CDC42: variants seen among roughly 807,000 people sequenced by gnomAD.
CDC42 encodes the protein cell division control protein 42 homolog.
In CDC42, 1 loss-of-function variant was observed where a neutral mutation model predicts 20.8. That is an observed-to-expected ratio of 0.05 (90% CI 0.02 to 0.23). CDC42 has a LOEUF of 0.23. Among genes scored for constraint, CDC42 ranks in the 10% least tolerant of loss-of-function variants. CDC42 has a pLI of 1.00. For missense variants in CDC42, 49 were observed against 227.9 expected (o/e 0.21, Z 5.05); for synonymous variants, 72 against 84.8 (o/e 0.85, Z 0.83).
intron 1 of CDC42, among the ~76,000 whole-genome samples, chr1:22,072,140 C>T (rs1405338558): frequency 1.5e-5 from 2 of 133,882 alleles, no homozygotes; most frequent in African/African-American, 5.7e-5. Context: ...CTCTGTTGCC[C>T]AGGCTGGAGT....
chr1:22,080,213 C>G (rs1438218722), intron 2 of CDC42, among the ~76,000 whole-genome samples: 1 of 152,188 alleles, frequency 6.6e-6, no homozygotes, highest in Non-Finnish European at 1.5e-5. Context: ...AGCGTAATTA[C>G]ACTAGCATAA....
chr1:22,081,677 ACTCT>A (rs1557903696), intron 2 of CDC42, 41 bp from the exon 3 acceptor site: 1 of 1,214,996 alleles, frequency 8.2e-7, no homozygotes, highest in Non-Finnish European at 1.2e-6. Flanking sequence ...TCCCATTTTA[ACTCT>A]CTCCTTGCAC....
intron 1 of CDC42, among the ~76,000 whole-genome samples, chr1:22,054,861 T>G (rs912208721): frequency 2.1e-5 from 3 of 142,412 alleles, no homozygotes; most frequent in Admixed American, 7.2e-5. Context: ...GTATCTTTCC[T>G]TTTAGAAAGT....
intron 3 of CDC42, among the ~76,000 whole-genome samples, chr1:22,086,097 C>T (rs1371829530): frequency 2.0e-5 from 3 of 152,166 alleles, no homozygotes; most frequent in Non-Finnish European, 2.9e-5. Flanking sequence ...CCGCCTGTCT[C>T]GGCCTCCCAA....
In CDC42 at chr1:22,093,623, C is replaced by T. The variant is rs1178951130; in HGVS notation, c.*2106C>T. On this transcript the variant is annotated 3_prime_UTR_variant, in exon 6 of 6. Transcript: ENST00000656825. Reference sequence around the variant, plus strand: ...ATGGAGTCATGTTTGGCATGATTTGCATACTGTGCTAGAATTAAGCTGGGT... The same window carrying T: ...ATGGAGTCATGTTTGGCATGATTTGTATACTGTGCTAGAATTAAGCTGGGT... 1.3e-5 allele frequency among the ~76,000 whole-genome samples: 2 copies of T among 152,192 alleles called. No homozygotes were observed. The highest frequency in any genetic ancestry group is 6.5e-5 in the Admixed American group (1 of 15,282).
At chr1:22,089,939 G>C in intron 5 of CDC42, 2 of 1,613,614 alleles carry the variant, frequency 1.2e-6, no homozygotes, top group Non-Finnish European at 1.7e-6. Flanking sequence ...CCTCTGTCTT[G>C]TAGAGAGGTC....
rs1047353632 is a variant in CDC42 at position 22,099,833 on chromosome 1, C to G, written c.*8316C>G. ...TTTTAAGCCTTTGTGTGAATTAACT[C>G]AGTCTTCTCAGCAATCCCCCATTTT... On this transcript the variant is annotated 3_prime_UTR_variant, in exon 6 of 6. Coordinates refer to ENST00000656825, the MANE Select transcript of CDC42 (RefSeq NM_001791.4). Among the ~76,000 whole-genome samples, 3 of 151,484 alleles carry G rather than the reference C, an allele frequency of 2.0e-5. No individual in the cohort carries two copies. Among genetic ancestry groups the G allele is most frequent in the Non-Finnish European group, 4.4e-5 (3 of 67,874 alleles).
chr1:22,074,939 T>C (rs1288224293), intron 1 of CDC42, among the ~76,000 whole-genome samples: 1 of 152,168 alleles, frequency 6.6e-6, no homozygotes, highest in African/African-American at 2.4e-5. Flanking sequence ...GACAGAACAA[T>C]AGAAAAATAA....
intron 5 of CDC42, among the ~76,000 whole-genome samples, chr1:22,089,524 G>A (rs1320113434): frequency 1.3e-5 from 2 of 152,098 alleles, no homozygotes; most frequent in Admixed American, 6.5e-5. Flanking sequence ...GAACCTTTCC[G>A]TTCTGGGAAA....
rs1645666283 is a variant in CDC42 at position 22,086,866 on chromosome 1, G to A, written c.486G>A (p.Gln162=). 6.8e-6 allele frequency: 11 copies of A among 1,612,680 alleles called. No individual in the cohort carries two copies. The highest frequency in any genetic ancestry group is 1.7e-5 in the Admixed American group (1 of 60,012). The change falls in exon 5 of 6, where the codon CAG becomes CAA. Residue 162 remains glutamine, a splice_region_variant and synonymous_variant. Coordinates refer to ENST00000656825, the MANE Select transcript of CDC42 (RefSeq NM_001791.4). ...VKYVECSALT[Q]KGLKNVFDEA... Reference sequence around the variant, plus strand: ...ATGTGGAGTGTTCTGCACTTACACAGGTAAGAATGGCATGAAACCCCATGT... The same window carrying A: ...ATGTGGAGTGTTCTGCACTTACACAAGTAAGAATGGCATGAAACCCCATGT...
intron 1 of CDC42, among the ~76,000 whole-genome samples, chr1:22,069,170 CTTTTTTTT>C (rs71724070): frequency 2.5e-5 from 2 of 80,804 alleles, no homozygotes; most frequent in African/African-American, 1.0e-4. Context: ...CATTTTATTC[CTTTTTTTT>C]TTTTTTTTTT....
intron 5 of CDC42, among the ~76,000 whole-genome samples, chr1:22,089,210 T>A (rs1218156117): frequency 6.6e-6 from 1 of 152,224 alleles, no homozygotes; most frequent in African/African-American, 2.4e-5. Context: ...AGTCACACTG[T>A]CATGTTGGAG....
At position 22,100,026 on chromosome 1, in the gene CDC42, C is replaced by CTTTTTTTTTTTTTTTTTTT. The variant is rs780658203; in HGVS notation, c.*8511_*8512insTTTTTTTTTTTTTTTTTTT. 1.7e-5 allele frequency among the ~76,000 whole-genome samples: 1 copy of CTTTTTTTTTTTTTTTTTTT among 57,584 alleles called. No homozygotes were observed. The highest frequency in any genetic ancestry group is 3.4e-5 in the Non-Finnish European group (1 of 29,440). The allele number at this position is 57,584 out of a possible 152,430, so 37.8% of individuals were successfully genotyped here. On this transcript the variant is annotated 3_prime_UTR_variant, in exon 6 of 6. Transcript: ENST00000656825. ...CCTTTTTTTCTTTCTTCTTCTTCTT[C>CTTTTTTTTTTTTTTTTTTT]TTCTTTTTTTTTTTTTTTGTATAAT...
At chr1:22,056,738 T>A (rs1387827830) in intron 1 of CDC42, among the ~76,000 whole-genome samples, 2 of 152,268 alleles carry the variant, frequency 1.3e-5, no homozygotes, top group East Asian at 3.8e-4. Flanking sequence ...GCCACCAATG[T>A]GGCGTCCCTT....
intron 5 of CDC42, among the ~76,000 whole-genome samples, chr1:22,087,631 A>T (rs1645674272): frequency 6.6e-6 from 1 of 152,236 alleles, no homozygotes; most frequent in Non-Finnish European, 1.5e-5. Context: ...AATAATTAGC[A>T]CAAAAGTTTT....
intron 5 of CDC42, among the ~76,000 whole-genome samples, chr1:22,087,192 T>C (rs1280204863): frequency 6.6e-6 from 1 of 152,142 alleles, no homozygotes; most frequent in Non-Finnish European, 1.5e-5. Context: ...TTTTTTTTTT[T>C]CTAAACACTT....
intron 2 of CDC42, 130 bp from the exon 3 acceptor site, chr1:22,081,592 A>G (rs950327189): frequency 4.8e-6 from 3 of 620,916 alleles, no homozygotes; most frequent in East Asian, 2.7e-5. Context: ...GATTGGTTAT[A>G]TAAGGATGAT....
In CDC42 at chr1:22,086,464, A is replaced by G. The variant is rs1313174090; in HGVS notation, c.204A>G (p.Arg68=). Residue 68 remains arginine, a synonymous_variant, in exon 4 of 6, where the codon CGA becomes CGG. Transcript: ENST00000656825. ...TAGQEDYDRL[R]PLSYPQTDVF... is the part of the protein sequence containing the mutation. ...GGCAAGAGGATTATGACAGATTACG[A>G]CCGCTGAGTTATCCACAAACAGATG... 6 of 1,603,776 alleles carry G rather than the reference A, an allele frequency of 3.7e-6. No individual in the cohort carries two copies. In the Admixed American group the frequency reaches 1.0e-4, roughly 27 times the overall value.
rs373621206 is a variant in CDC42 at position 22,093,881 on chromosome 1, C to CA, written c.*2365dup. 1.7e-4 allele frequency among the ~76,000 whole-genome samples: 26 copies of CA among 152,192 alleles called. No individual in the cohort carries two copies. The highest frequency in any genetic ancestry group is 6.0e-4 in the African/African-American group (25 of 41,496). ...GACATGATATGGCTCTAGAAGTAGT[C>CA]ATTGGATGGGTATATTATTTTATAA... On this transcript the variant is annotated 3_prime_UTR_variant, in exon 6 of 6. Coordinates refer to ENST00000656825, the MANE Select transcript of CDC42 (RefSeq NM_001791.4).
Sources: gnomAD v4.1 joint callset for allele counts (sites outside exome capture counted in the v4.1 genomes callset) on GRCh38, gnomAD v4.1.1 for gene constraint, MANE v1.5 for transcripts, NCBI Gene and HGNC (gene_info 2026-07-23, HGNC 2026-07-21) for gene names.